Variants in DLG2 observed in about 807,000 individuals in gnomAD.
The protein encoded by DLG2 is discs large MAGUK scaffold protein 2, also known as disks large homolog 2.
DLG2 carries 45 observed loss-of-function variants against 132.5 expected under a neutral mutation model. The ratio of observed to expected loss-of-function variants is 0.34; its 90% CI spans 0.27 to 0.44. The LOEUF (loss-of-function observed/expected upper bound fraction) is 0.44, where lower values mean the gene tolerates loss of function less well. Among genes scored for constraint, DLG2 ranks in the 20% least tolerant of loss-of-function variants. The pLI is 1.00. For synonymous variants in DLG2, 424 were observed against 419.6 expected, an observed-to-expected ratio of 1.01 and a Z score of -0.13; for missense variants, 1,045 against 1,196.9, an observed-to-expected ratio of 0.87 and a Z score of 1.87.
chr11:84,268,423 T>G (rs2097673219), intron 7 of DLG2, among the ~76,000 whole-genome samples: 1 of 151,952 alleles, frequency 6.6e-6, no homozygotes, highest in Non-Finnish European at 1.5e-5. Flanking sequence ...GTCATTCCAT[T>G]TATTAACTAT....
At chr11:85,014,486 T>A (rs1189896063) in intron 6 of DLG2, among the ~76,000 whole-genome samples, 1 of 152,192 alleles carries the variant, frequency 6.6e-6, no homozygotes, top group Non-Finnish European at 1.5e-5. Flanking sequence ...GCTTCACCCC[T>A]TAATATCTCA....
chr11:84,132,500 C>T (rs1021972011), intron 9 of DLG2, among the ~76,000 whole-genome samples: 11 of 151,826 alleles, frequency 7.2e-5, no homozygotes, highest in South Asian at 2.1e-4. Context: ...ACAAAGATAA[C>T]GATACATAAG....
chr11:85,027,673 C>T (rs2060649905), intron 6 of DLG2, among the ~76,000 whole-genome samples: 1 of 152,246 alleles, frequency 6.6e-6, no homozygotes, highest in Non-Finnish European at 1.5e-5. Context: ...GTGCCAGCTT[C>T]ATGCAAGGCT....
At chr11:85,438,948 C>A (rs1329981779) in intron 3 of DLG2, among the ~76,000 whole-genome samples, 2 of 152,048 alleles carry the variant, frequency 1.3e-5, no homozygotes, top group East Asian at 1.9e-4. Flanking sequence ...TATTATGTAA[C>A]CTTTTTGTTT....
At chr11:84,056,577 G>C (rs1221716038) in intron 11 of DLG2, among the ~76,000 whole-genome samples, 1 of 152,096 alleles carries the variant, frequency 6.6e-6, no homozygotes, top group African/African-American at 2.4e-5. Flanking sequence ...AGTTTCCACT[G>C]TATGAGTTAA....
At chr11:84,385,048 T>C (rs1376559779) in intron 7 of DLG2, among the ~76,000 whole-genome samples, 1 of 152,092 alleles carries the variant, frequency 6.6e-6, no homozygotes, top group Non-Finnish European at 1.5e-5. Context: ...AGAAAAACTC[T>C]TTGTTGGCAT....
At chr11:85,091,857 A>C (rs548603716) in intron 6 of DLG2, among the ~76,000 whole-genome samples, 8 of 152,294 alleles carry the variant, frequency 5.3e-5, no homozygotes, top group Admixed American at 2.6e-4. Flanking sequence ...ATCCTCTCAA[A>C]GTCATTAATG....
chr11:85,021,874 G>C (rs2060105961), intron 6 of DLG2, among the ~76,000 whole-genome samples: 1 of 151,928 alleles, frequency 6.6e-6, no homozygotes, highest in Non-Finnish European at 1.5e-5. Flanking sequence ...ACACGTCATG[G>C]AACTATACAA....
intron 3 of DLG2, among the ~76,000 whole-genome samples, chr11:85,461,435 C>CA (rs769808835): frequency 2.6e-5 from 4 of 152,000 alleles, no homozygotes; most frequent in Admixed American, 6.5e-5. Context: ...GACATTTGGG[C>CA]AAAAAACAGT....
At chr11:85,111,803 CATGTTTATTATCAAT>C in intron 5 of DLG2, 68 bp from the exon 6 acceptor site, 1 of 1,195,910 alleles carries the variant, frequency 8.4e-7, no homozygotes, top group Non-Finnish European at 1.2e-6. Context: ...TGCTAGCTGA[CATGTTTATTATCAAT>C]ATGTTTATTA....
chr11:85,496,897 C>T (rs1268247466), intron 3 of DLG2, among the ~76,000 whole-genome samples: 9 of 152,104 alleles, frequency 5.9e-5, no homozygotes, highest in African/African-American at 1.9e-4. Context: ...ACAAAAAGGA[C>T]GTCCACTCAG....
At chr11:84,799,270 G>T (rs557498267) in intron 6 of DLG2, among the ~76,000 whole-genome samples, 1 of 152,280 alleles carries the variant, frequency 6.6e-6, no homozygotes, top group African/African-American at 2.4e-5. Context: ...CTCTCTTGCT[G>T]TTCTGGTCCA....
intron 21 of DLG2, among the ~76,000 whole-genome samples, chr11:83,492,338 C>T (rs867615601): frequency 2.0e-5 from 3 of 152,120 alleles, no homozygotes; most frequent in Middle Eastern, 3.4e-3. Context: ...TAGCATTTGT[C>T]CTCAGTCTGT....
chr11:83,903,600 T>C (rs2074019017), intron 15 of DLG2, among the ~76,000 whole-genome samples: 1 of 152,144 alleles, frequency 6.6e-6, no homozygotes, highest in African/African-American at 2.4e-5. Context: ...ATTAACACCA[T>C]CCCTTATTGG....
chr11:85,259,851 T>C (rs907328757), intron 4 of DLG2, among the ~76,000 whole-genome samples: 4 of 152,128 alleles, frequency 2.6e-5, no homozygotes, highest in Non-Finnish European at 2.9e-5. Context: ...GATGAGTTTA[T>C]TGATGTAGAA....
At chr11:85,584,339 G>GGTGTGTGTGTGTGTGTGTGT (rs61334060) in intron 3 of DLG2, among the ~76,000 whole-genome samples, 1 of 144,972 alleles carries the variant, frequency 6.9e-6, no homozygotes, top group Non-Finnish European at 1.5e-5. Flanking sequence ...AGTATTCCAT[G>GGTGTGTGTGTGTGTGTGTGT]GTGTGTGTGT....
At chr11:84,047,664 T>A (rs2096268928) in intron 11 of DLG2, among the ~76,000 whole-genome samples, 1 of 151,596 alleles carries the variant, frequency 6.6e-6, no homozygotes, top group Non-Finnish European at 1.5e-5. Context: ...ATTGTAAAAA[T>A]AATTTTGACT....
At chr11:85,252,839 A>T (rs1361698342) in intron 4 of DLG2, among the ~76,000 whole-genome samples, 3 of 152,190 alleles carry the variant, frequency 2.0e-5, no homozygotes, top group Admixed American at 2.0e-4. Flanking sequence ...AGGTATAAGC[A>T]AGTACCAAGA....
chr11:85,342,561 A>G (rs1389447754), intron 3 of DLG2, among the ~76,000 whole-genome samples: 1 of 152,228 alleles, frequency 6.6e-6, no homozygotes, highest in Non-Finnish European at 1.5e-5. Context: ...TCAAAGGAGT[A>G]CACTCTAAAA....
Sources: gnomAD v4.1 joint callset for allele counts (sites outside exome capture counted in the v4.1 genomes callset) on GRCh38, gnomAD v4.1.1 for gene constraint, MANE v1.5 for transcripts, NCBI Gene and HGNC (gene_info 2026-07-23, HGNC 2026-07-21) for gene names.